Variants in ARSB observed in about 807,000 individuals in gnomAD.
ARSB encodes the protein N-acetylgalactosamine-4-sulfatase.
A neutral mutation model predicts 50.9 loss-of-function variants in ARSB; 41 were observed. That is an observed-to-expected ratio of 0.81 (90% CI 0.63 to 1.04). The LOEUF (loss-of-function observed/expected upper bound fraction) is 1.04, where lower values mean the gene tolerates loss of function less well. ARSB is among the 50% of genes least tolerant of loss of function. ARSB has a pLI of 0.00. For synonymous variants in ARSB, 269 were observed against 284.8 expected (o/e 0.94, Z 0.56); for missense variants, 672 against 693.3 (o/e 0.97, Z 0.35).
intron 3 of ARSB, among the ~76,000 whole-genome samples, chr5:78,960,052 C>G (rs7717470): frequency 0.27 from 40,345 of 152,144 alleles, 6,660 homozygotes; most frequent in African/African-American, 0.47. Flanking sequence ...TCCCTGTTCT[C>G]ATCAACTGTC....
intron 4 of ARSB, among the ~76,000 whole-genome samples, chr5:78,934,540 G>A (rs1282468281): frequency 6.6e-6 from 1 of 152,006 alleles, no homozygotes; most frequent in African/African-American, 2.4e-5. Context: ...AAGAGAAAAT[G>A]TTACTTTGGA....
intron 4 of ARSB, among the ~76,000 whole-genome samples, chr5:78,889,844 ATC>A (rs765691924): frequency 2.0e-5 from 3 of 152,152 alleles, no homozygotes; most frequent in Non-Finnish European, 4.4e-5. Context: ...CTGAAACATC[ATC>A]TCTACCCCAA....
intron 5 of ARSB, among the ~76,000 whole-genome samples, chr5:78,844,065 T>C (rs141575200): frequency 6.6e-6 from 1 of 152,320 alleles, no homozygotes; most frequent in East Asian, 1.9e-4. Flanking sequence ...CTTGGGTCTA[T>C]AACTAGGAGT....
intron 1 of ARSB, among the ~76,000 whole-genome samples, chr5:78,984,679 G>C (rs1293870473): frequency 6.6e-6 from 1 of 152,112 alleles, no homozygotes; most frequent in Admixed American, 6.5e-5. Flanking sequence ...TTCAGAAAAC[G>C]AAAGACAAAG....
In ARSB at chr5:78,985,030, G is replaced by C. The variant is rs1753110253; in HGVS notation, c.219C>G (p.Asp73Glu). The change falls in exon 1 of 8, where the codon GAC (aspartate) becomes GAG (glutamate). Residue 73 changes from aspartate (D) to glutamate (E), a missense_variant. Transcript: ENST00000264914. ...GGAGCACCCCGCCGGCCGCCAGCGCGTCCAGGTGCGGCGTGCGGATGCGGG... is the reference window on the plus strand; with the variant it reads ...GGAGCACCCCGCCGGCCGCCAGCGCCTCCAGGTGCGGCGTGCGGATGCGGG... ...HGSRIRTPHL[D>E]ALAAGGVLLD... 1 of 1,542,008 alleles carries C rather than the reference G, an allele frequency of 6.5e-7. No individual in the cohort carries two copies. The highest frequency in any genetic ancestry group is 8.7e-7 in the Non-Finnish European group (1 of 1,146,488).
intron 4 of ARSB, among the ~76,000 whole-genome samples, chr5:78,928,793 TTAAATTATTAACCAGA>T (rs1202918825): frequency 2.6e-5 from 4 of 152,244 alleles, no homozygotes; most frequent in African/African-American, 9.6e-5. Flanking sequence ...TAACAATGTT[TTAAATTATTAACCAGA>T]TAAATTATTT....
intron 6 of ARSB, among the ~76,000 whole-genome samples, chr5:78,836,149 G>A (rs1744946484): frequency 6.6e-6 from 1 of 152,280 alleles, no homozygotes; most frequent in East Asian, 1.9e-4. Flanking sequence ...CTAAAAATGA[G>A]CAGGCACCCA....
At chr5:78,915,352 G>T (rs528419475) in intron 4 of ARSB, among the ~76,000 whole-genome samples, 5 of 151,742 alleles carry the variant, frequency 3.3e-5, no homozygotes, top group Admixed American at 6.6e-5. Flanking sequence ...CATTGATACC[G>T]TAACTAAAAG....
chr5:78,882,801 T>TTG (rs1747820631), intron 5 of ARSB: 1 of 78,650 alleles, frequency 1.3e-5, no homozygotes, highest in Non-Finnish European at 2.5e-5. Flanking sequence ...TTTTTTTTTT[T>TTG]GAGACGGAGT....
At chr5:78,880,294 T>A (rs1747689979) in intron 5 of ARSB, among the ~76,000 whole-genome samples, 1 of 152,232 alleles carries the variant, frequency 6.6e-6, no homozygotes, top group South Asian at 2.1e-4. Context: ...AATTTAGCTA[T>A]ATGGACAAAC....
chr5:78,947,447 A>G (rs1275619480), intron 4 of ARSB, among the ~76,000 whole-genome samples: 1 of 152,178 alleles, frequency 6.6e-6, no homozygotes, highest in African/African-American at 2.4e-5. Context: ...AAAAAATCTA[A>G]TAATCTGATT....
chr5:78,867,174 C>T lies in ARSB; in HGVS notation c.1142+18410G>A, dbSNP rs528125283. 1.1e-4 allele frequency among the ~76,000 whole-genome samples: 16 copies of T among 152,300 alleles called. No homozygotes were observed. In the East Asian group the frequency reaches 1.3e-3, roughly 13 times the overall value. On this transcript the variant is annotated intron_variant, in intron 5 of 7. Coordinates refer to ENST00000264914, the MANE Select transcript of ARSB (RefSeq NM_000046.5). ...CCTGGCTCGGAGGGTCCTACACCCA[C>T]GGAATCTCGCTGATTGCTAGCACAG...
chr5:78,984,786 G>C (rs1043129923), intron 1 of ARSB, 151 bp downstream of exon 1: 7 of 522,264 alleles, frequency 1.3e-5, no homozygotes, highest in Non-Finnish European at 1.9e-5. Flanking sequence ...GGAAGAGCGA[G>C]GTTGGGGCGA....
At chr5:78,922,064 G>A (rs571406197) in intron 4 of ARSB, among the ~76,000 whole-genome samples, 3 of 152,246 alleles carry the variant, frequency 2.0e-5, no homozygotes, top group African/African-American at 4.8e-5. Flanking sequence ...GGTTGGAATC[G>A]AAGTTCCAGC....
At chr5:78,804,133 C>G (rs902678017) in intron 6 of ARSB, among the ~76,000 whole-genome samples, 1 of 150,748 alleles carries the variant, frequency 6.6e-6, no homozygotes, top group Non-Finnish European at 1.5e-5. Context: ...GAGACTCTTG[C>G]AAAATGAAAC....
In ARSB at chr5:78,922,035, G is replaced by A. The variant is rs1055559431; in HGVS notation, c.898+33260C>T. ...AGCATTTAGACCAGCCCTGGCCAGA[G>A]GGGATCAACAATCCCAGTGGTTGGA... On this transcript the variant is annotated intron_variant, in intron 4 of 7. Coordinates refer to ENST00000264914, the MANE Select transcript of ARSB (RefSeq NM_000046.5). Among the ~76,000 whole-genome samples, 4 of 152,128 alleles carry A rather than the reference G, an allele frequency of 2.6e-5. No homozygotes were observed. In the South Asian group the frequency reaches 6.2e-4, roughly 24 times the overall value.
chr5:78,854,496 C>G (rs1746040475), intron 5 of ARSB, among the ~76,000 whole-genome samples: 2 of 152,174 alleles, frequency 1.3e-5, no homozygotes, highest in Admixed American at 1.3e-4. Context: ...ATTGACCATT[C>G]AGGAACGTGT....
chr5:78,886,562 G>C (rs1383356687), intron 4 of ARSB, among the ~76,000 whole-genome samples: 3 of 152,062 alleles, frequency 2.0e-5, no homozygotes, highest in Non-Finnish European at 4.4e-5. Context: ...GCAAAGACAG[G>C]GTAGAAGCTA....
chr5:78,892,904 A>C (rs780690356), intron 4 of ARSB, among the ~76,000 whole-genome samples: 7 of 152,176 alleles, frequency 4.6e-5, no homozygotes, highest in Admixed American at 6.5e-5. Flanking sequence ...CTGGGCTAGC[A>C]AGAGGAGGGT....
Sources: allele counts gnomAD v4.1 joint callset (sites outside exome capture counted in the v4.1 genomes callset), GRCh38; gene constraint gnomAD v4.1.1; transcripts MANE v1.5; gene names NCBI Gene and HGNC (gene_info 2026-07-23, HGNC 2026-07-21).